ADGRL3: variants seen among roughly 807,000 people sequenced by gnomAD.
ADGRL3 encodes calcium-independent alpha-latrotoxin receptor 3.
ADGRL3 carries 62 observed loss-of-function variants against 153.5 expected under a neutral mutation model. The observed-to-expected ratio is 0.40, with a 90% CI of 0.33 to 0.50. ADGRL3 has a LOEUF of 0.50. Among genes scored for constraint, ADGRL3 ranks in the 20% least tolerant of loss-of-function variants. The probability of loss-of-function intolerance (pLI) is 0.47; values close to 1 mark genes in which losing one functional copy is unlikely to be tolerated. For synonymous variants in ADGRL3, 710 were observed against 672.5 expected (o/e 1.06, Z -0.86); for missense variants, 1,641 against 1,859.4 (o/e 0.88, Z 2.16).
intron 1 of ADGRL3, among the ~76,000 whole-genome samples, chr4:61,373,217 G>T (rs149972255): frequency 6.6e-6 from 1 of 152,282 alleles, no homozygotes; most frequent in East Asian, 1.9e-4. Context: ...CTGTAGACCG[G>T]AGCTGTTCCT....
At chr4:61,740,403 A>G (rs2096568512) in intron 8 of ADGRL3, among the ~76,000 whole-genome samples, 1 of 152,182 alleles carries the variant, frequency 6.6e-6, no homozygotes, top group Non-Finnish European at 1.5e-5. Flanking sequence ...AGATAGTTGC[A>G]TCACTTACCT....
At chr4:61,547,276 T>A (rs535305032) in intron 4 of ADGRL3, among the ~76,000 whole-genome samples, 7 of 147,490 alleles carry the variant, frequency 4.7e-5, no homozygotes, top group African/African-American at 1.5e-4. Flanking sequence ...TTTTTTTACT[T>A]TTTTTTTTTT....
chr4:61,964,540 A>T (rs1350391076), intron 17 of ADGRL3, among the ~76,000 whole-genome samples: 2 of 152,098 alleles, frequency 1.3e-5, no homozygotes, highest in Non-Finnish European at 2.9e-5. Flanking sequence ...GTCTAATAAT[A>T]GCTTTGTGGC....
intron 9 of ADGRL3, among the ~76,000 whole-genome samples, chr4:61,823,570 G>A (rs1434854497): frequency 6.6e-6 from 1 of 152,024 alleles, no homozygotes; most frequent in Non-Finnish European, 1.5e-5. Context: ...CATGAAATAG[G>A]TAGACAATTA....
At chr4:62,028,782 T>G (rs1203168506) in intron 21 of ADGRL3, 73 bp from the exon 22 acceptor site, 1 of 1,303,654 alleles carries the variant, frequency 7.7e-7, no homozygotes, top group Non-Finnish European at 1.1e-6. Context: ...CAGGAGAATA[T>G]TTTTCATATG....
At chr4:61,372,810 G>T (rs997432567) in intron 1 of ADGRL3, among the ~76,000 whole-genome samples, 1 of 152,144 alleles carries the variant, frequency 6.6e-6, no homozygotes, top group South Asian at 2.1e-4. Context: ...GGGCAATGGC[G>T]GGCGCCCCTC....
At chr4:61,220,268 C>T (rs1000726536) in intron 1 of ADGRL3, among the ~76,000 whole-genome samples, 8 of 151,982 alleles carry the variant, frequency 5.3e-5, no homozygotes, top group Non-Finnish European at 1.0e-4. Context: ...AAACGTCATA[C>T]GTGAAATGTG....
intron 24 of ADGRL3, among the ~76,000 whole-genome samples, chr4:62,040,070 A>G (rs1727365641): frequency 6.6e-6 from 1 of 152,130 alleles, no homozygotes; most frequent in Admixed American, 6.6e-5. Flanking sequence ...CTTGCCACGT[A>G]CCAGCTATGA....
At chr4:61,865,070 T>C (rs2098386654) in intron 9 of ADGRL3, among the ~76,000 whole-genome samples, 1 of 152,196 alleles carries the variant, frequency 6.6e-6, no homozygotes, top group South Asian at 2.1e-4. Context: ...AATCTGCATG[T>C]CACTCGTCTC....
rs184641151 is a variant in ADGRL3, at chr4:61,633,056, A to G, written c.474-43770A>G. Among the ~76,000 whole-genome samples the G allele has an allele frequency of 4.4e-4, 67 of 152,334 alleles. 2 individuals carry two copies. The East Asian group carries it at 0.011, about 25-fold the overall frequency. On this transcript the variant is annotated intron_variant, in intron 5 of 26. Coordinates refer to ENST00000683033, the MANE Select transcript of ADGRL3 (RefSeq NM_001387552.1). ...CCTTGCAGAACCCTGTGAAGATTAT[A>G]GACATTATTATTCTATGTAATGAAG... is the stretch of plus-strand genomic sequence containing the variant.
intron 2 of ADGRL3, among the ~76,000 whole-genome samples, chr4:61,406,898 T>C (rs2097007023): frequency 6.6e-6 from 1 of 152,036 alleles, no homozygotes; most frequent in African/African-American, 2.4e-5. Flanking sequence ...AACAGTATGC[T>C]ACATACTACA....
chr4:61,623,288 G>A (rs1322199405), intron 5 of ADGRL3, among the ~76,000 whole-genome samples: 1 of 152,020 alleles, frequency 6.6e-6, no homozygotes, highest in African/African-American at 2.4e-5. Flanking sequence ...GATAAAACCA[G>A]TTCTCACTCA....
chr4:62,009,016 A>G (rs931751310), intron 21 of ADGRL3, among the ~76,000 whole-genome samples: 1 of 152,148 alleles, frequency 6.6e-6, no homozygotes, highest in Non-Finnish European at 1.5e-5. Context: ...AAGCTTTACC[A>G]TATAGCCTAG....
chr4:61,502,552 C>T (rs1031264082), intron 3 of ADGRL3, among the ~76,000 whole-genome samples: 1 of 149,840 alleles, frequency 6.7e-6, no homozygotes, highest in Non-Finnish European at 1.5e-5. Flanking sequence ...AGGGACTTTA[C>T]TGGTTAGCCT....
intron 2 of ADGRL3, among the ~76,000 whole-genome samples, chr4:61,431,933 A>T (rs2097360639): frequency 6.6e-6 from 1 of 152,104 alleles, no homozygotes; most frequent in African/African-American, 2.4e-5. Flanking sequence ...CTGCTTTCAT[A>T]GTTTTGTGTT....
At chr4:61,407,230 T>A (rs1331706083) in intron 2 of ADGRL3, among the ~76,000 whole-genome samples, 2 of 152,092 alleles carry the variant, frequency 1.3e-5, no homozygotes, top group Non-Finnish European at 2.9e-5. Flanking sequence ...AAGTCAAGAT[T>A]GCAGCCGCAT....
intron 25 of ADGRL3, among the ~76,000 whole-genome samples, chr4:62,067,619 A>G (rs939556378): frequency 6.6e-6 from 1 of 152,102 alleles, no homozygotes; most frequent in Non-Finnish European, 1.5e-5. Context: ...TAATAGAGAA[A>G]TAACTTTTGT....
At chr4:61,802,524 T>C (rs1366782309) in intron 8 of ADGRL3, among the ~76,000 whole-genome samples, 1 of 152,092 alleles carries the variant, frequency 6.6e-6, no homozygotes, top group Non-Finnish European at 1.5e-5. Context: ...ATAGAACTCA[T>C]ATTCTTGTAG....
At chr4:61,648,353 T>G (rs1372752065) in intron 5 of ADGRL3, among the ~76,000 whole-genome samples, 1 of 149,580 alleles carries the variant, frequency 6.7e-6, no homozygotes, top group Non-Finnish European at 1.5e-5. Context: ...AATCGGCTTT[T>G]TTTTTTTTTT....
Sources: gnomAD v4.1 joint callset for allele counts (sites outside exome capture counted in the v4.1 genomes callset) on GRCh38, gnomAD v4.1.1 for gene constraint, MANE v1.5 for transcripts, NCBI Gene and HGNC (gene_info 2026-07-23, HGNC 2026-07-21) for gene names.